The following MAPKAPK5 variants were observed in gnomAD, a reference collection of about 807,000 sequenced individuals.
MAPKAPK5 encodes the protein MAP kinase-activated protein kinase 5.
Under a neutral mutation model 65.1 loss-of-function variants are expected in MAPKAPK5, and 30 were observed. The observed-to-expected ratio is 0.46, with a 90% CI of 0.34 to 0.63. The LOEUF (loss-of-function observed/expected upper bound fraction) is 0.63, where lower values mean the gene tolerates loss of function less well. Ranked by LOEUF, MAPKAPK5 falls within the 20% of genes least tolerant of loss-of-function variation. The probability of loss-of-function intolerance (pLI) is 0.01; values close to 1 mark genes in which losing one functional copy is unlikely to be tolerated. For missense variants in MAPKAPK5, 433 were observed against 581.4 expected, an observed-to-expected ratio of 0.74 and a Z score of 2.63; for synonymous variants, 179 against 204.6, an observed-to-expected ratio of 0.87 and a Z score of 1.07.
intron 7 of MAPKAPK5, among the ~76,000 whole-genome samples, chr12:111,877,862 GT>G (rs904344879): frequency 3.9e-4 from 57 of 145,438 alleles, no homozygotes; most frequent in East Asian, 1.2e-3. Context: ...GAAATTTTTG[GT>G]TTTTTTTTTT....
At chr12:111,881,561 C>A (rs28517644) in intron 8 of MAPKAPK5, among the ~76,000 whole-genome samples, 14,496 of 151,864 alleles carry the variant, frequency 0.095, 792 homozygotes, top group Middle Eastern at 0.18. Context: ...CCTGCCACCA[C>A]GCCTGGCTAA....
chr12:111,842,556 G>T lies in MAPKAPK5; in HGVS notation c.-178G>T. ...CTGCTGCTGCCGCCAGCCTAGAGCC[G>T]CCCGCCGAAGCAGAGCCGGCGCCGG... On this transcript the variant is annotated 5_prime_UTR_variant, in exon 1 of 14. Coordinates refer to ENST00000550735, the MANE Select transcript of MAPKAPK5 (RefSeq NM_003668.4). The T allele has an allele frequency of 2.5e-6, 1 of 401,452 alleles. No homozygotes were observed. Among genetic ancestry groups the T allele is most frequent in the Non-Finnish European group, 4.5e-6 (1 of 222,226 alleles). 24.9% of individuals were successfully genotyped at this position (401,452 alleles called of 1,614,324 possible).
chr12:111,843,871 G>A (rs2068816973), intron 1 of MAPKAPK5, among the ~76,000 whole-genome samples: 1 of 152,184 alleles, frequency 6.6e-6, no homozygotes, highest in South Asian at 2.1e-4. Context: ...GGAGTGCAGT[G>A]GCCCGATCTT....
chr12:111,872,255 T>C (rs901797988), intron 7 of MAPKAPK5, among the ~76,000 whole-genome samples: 6 of 152,180 alleles, frequency 3.9e-5, no homozygotes. Flanking sequence ...CATTTCACAT[T>C]TTTACTAACG....
chr12:111,900,234 G>A lies in MAPKAPK5; in HGVS notation c.*7173G>A, dbSNP rs1013128523. On this transcript the variant is annotated 3_prime_UTR_variant, in exon 14 of 14. Coordinates refer to ENST00000550735, the MANE Select transcript of MAPKAPK5 (RefSeq NM_003668.4). The stretch of plus-strand genomic sequence containing the variant: ...AAAACACGATGTTGCCCACATGATC[G>A]TTGGGCATCACCCTGGACAGAATAT... 6 of 455,800 alleles carry A rather than the reference G, an allele frequency of 1.3e-5. No individual in the cohort carries two copies. The highest frequency in any genetic ancestry group is 6.9e-5 in the East Asian group (1 of 14,390). The allele number at this position is 455,800 out of a possible 1,614,324, so 28.2% of individuals were successfully genotyped here.
At chr12:111,849,091 T>A (rs2068990329) in intron 1 of MAPKAPK5, among the ~76,000 whole-genome samples, 1 of 151,448 alleles carries the variant, frequency 6.6e-6, no homozygotes, top group African/African-American at 2.4e-5. Flanking sequence ...CCTTATTGAG[T>A]TATAGGATTA....
Position 111,848,499 on chromosome 12 carries a change from C to T in MAPKAPK5, c.36+5730C>T, listed in dbSNP as rs529105762. On this transcript the variant is annotated intron_variant, in intron 1 of 13. Coordinates refer to ENST00000550735, the MANE Select transcript of MAPKAPK5 (RefSeq NM_003668.4). ...CACGATCTCGGCTCACTGCAACCAC[C>T]GTCTCCCGGGTTCAAGTGATTCTCC... is the stretch of plus-strand genomic sequence containing the variant. Among the ~76,000 whole-genome samples the T allele has an allele frequency of 1.0e-3, 155 of 151,522 alleles. 1 individual carries two copies. Among genetic ancestry groups the T allele is most frequent in the Non-Finnish European group, 1.1e-3 (72 of 67,872 alleles).
chr12:111,889,094 G>C, intron 12 of MAPKAPK5, 94 bp downstream of exon 12: 1 of 1,373,844 alleles, frequency 7.3e-7, no homozygotes, highest in Admixed American at 2.2e-5. Context: ...CAAAAGGAAT[G>C]GTTTAATTTT....
At chr12:111,871,252 C>A in intron 7 of MAPKAPK5, 72 bp downstream of exon 7, 3 of 1,256,378 alleles carry the variant, frequency 2.4e-6, no homozygotes, top group Admixed American at 1.8e-5. Flanking sequence ...TTCTATTCTA[C>A]AGCACAAGTA....
At chr12:111,850,221 GT>G (rs761403185) in intron 1 of MAPKAPK5, among the ~76,000 whole-genome samples, 47 of 152,142 alleles carry the variant, frequency 3.1e-4, no homozygotes, top group Non-Finnish European at 5.3e-4. Flanking sequence ...TAGAGACGGG[GT>G]TTCACCATGT....
At position 111,899,267 on chromosome 12, in the gene MAPKAPK5, C is replaced by T. The variant is rs1244940421; in HGVS notation, c.*6206C>T. The T allele has an allele frequency of 1.3e-5, 2 of 152,720 alleles. No homozygotes were observed. The highest frequency in any genetic ancestry group is 2.9e-5 in the Non-Finnish European group (2 of 68,500). 9.5% of individuals were successfully genotyped at this position (152,720 alleles called of 1,614,324 possible). ...ATTAACTGATTTATTTGGGCCATGT[C>T]ACTGGTGGCATTATTAAAAGACTCT... On this transcript the variant is annotated 3_prime_UTR_variant, in exon 14 of 14. Transcript: ENST00000550735.
At chr12:111,853,627 C>T (rs1273489540) in intron 1 of MAPKAPK5, among the ~76,000 whole-genome samples, 3 of 152,084 alleles carry the variant, frequency 2.0e-5, no homozygotes, top group Non-Finnish European at 4.4e-5. Context: ...CTCCGCCTCC[C>T]GGGTTCAGGC....
chr12:111,859,627 T>C (rs538632098), intron 1 of MAPKAPK5, among the ~76,000 whole-genome samples: 2 of 143,226 alleles, frequency 1.4e-5, no homozygotes, highest in African/African-American at 5.3e-5. Flanking sequence ...AGCACTTCTT[T>C]TTTTCTTTTC....
Position 111,899,864 on chromosome 12 carries a change from G to A in MAPKAPK5, c.*6803G>A, listed in dbSNP as rs989367435. 8.8e-6 allele frequency: 4 copies of A among 454,360 alleles called. No individual in the cohort carries two copies. The highest frequency in any genetic ancestry group is 8.0e-5 in the African/African-American group (4 of 50,044). 28.1% of individuals were successfully genotyped at this position (454,360 alleles called of 1,614,324 possible). On this transcript the variant is annotated 3_prime_UTR_variant, in exon 14 of 14. Transcript: ENST00000550735. Reference sequence around the variant, plus strand: ...TGTGTTATACACCATGGCACATCAAGCGTGAGTCTCCTGTGGTGTCTACTA... The same window carrying A: ...TGTGTTATACACCATGGCACATCAAACGTGAGTCTCCTGTGGTGTCTACTA...
chr12:111,888,521 G>A lies in MAPKAPK5; in HGVS notation c.1003G>A (p.Glu335Lys), dbSNP rs1198816659. The change falls in exon 11 of 14, where the codon GAA becomes AAA. Residue 335 changes from glutamate (E) to lysine (K), a missense_variant. Glu to Lys is a moderately conservative substitution (Grantham distance 56). This residue lies in a region of MAPKAPK5 where 169 missense variants were observed against 215.6 expected (regional missense o/e 0.78). Transcript: ENST00000550735. Reference sequence around the variant, plus strand: ...TGCAGGAATCCAGCAGGCTCACGCGGAACAGTTGGCCAACATGAGAATCCA... The same window carrying A: ...TGCAGGAATCCAGCAGGCTCACGCGAAACAGTTGGCCAACATGAGAATCCA... ...VVAGIQQAHA[E>K]QLANMRIQDL... The A allele has an allele frequency of 6.2e-7, 1 of 1,613,972 alleles. No individual in the cohort carries two copies. The highest frequency in any genetic ancestry group is 8.5e-7 in the Non-Finnish European group (1 of 1,179,870).
At chr12:111,890,289 G>T in intron 13 of MAPKAPK5, 145 bp downstream of exon 13, 1 of 638,626 alleles carries the variant, frequency 1.6e-6, no homozygotes, top group South Asian at 1.9e-5. Flanking sequence ...TTGTGGAATG[G>T]GGGTTAGCTC....
chr12:111,889,129 A>G (rs2070515451), intron 12 of MAPKAPK5, 129 bp downstream of exon 12: 1 of 1,056,822 alleles, frequency 9.5e-7, no homozygotes, highest in Non-Finnish European at 1.4e-6. Flanking sequence ...ATCTTGTGTT[A>G]TAAGAAAAGT....
Position 111,895,013 on chromosome 12 carries a change from G to A in MAPKAPK5, c.*1952G>A, listed in dbSNP as rs1041239873. On this transcript the variant is annotated 3_prime_UTR_variant, in exon 14 of 14. Transcript: ENST00000550735. ...CTTCAGGGTGACATTTGGTTAGTAT[G>A]CCCTGTATGTGTGTGACTGCCTGTG... 1.3e-5 allele frequency: 2 copies of A among 151,490 alleles called. No individual in the cohort carries two copies. The highest frequency in any genetic ancestry group is 2.9e-5 in the Non-Finnish European group (2 of 67,958). 9.4% of individuals were successfully genotyped at this position (151,490 alleles called of 1,614,324 possible).
intron 9 of MAPKAPK5, among the ~76,000 whole-genome samples, chr12:111,884,128 A>G (rs1435612488): frequency 1.3e-5 from 2 of 152,124 alleles, no homozygotes; most frequent in African/African-American, 4.8e-5. Flanking sequence ...GAGGTGAACT[A>G]GGTGCCGAGA....
Sources: allele counts gnomAD v4.1 joint callset (sites outside exome capture counted in the v4.1 genomes callset), GRCh38; gene constraint gnomAD v4.1.1; regional missense constraint gnomAD v4.1.1; transcripts MANE v1.5; gene names NCBI Gene and HGNC (gene_info 2026-07-23, HGNC 2026-07-21).